RAD54L2: variants seen among roughly 807,000 people sequenced by gnomAD.
The protein encoded by RAD54L2 is RAD54 like 2, also known as helicase ARIP4.
Under a neutral mutation model 138.4 loss-of-function variants are expected in RAD54L2, and 27 were observed. The observed-to-expected ratio is 0.20, with a 90% confidence interval of 0.14 to 0.27. The LOEUF is 0.27. RAD54L2 is among the 10% of genes least tolerant of loss of function. The pLI is 1.00. For missense variants in RAD54L2, 1,396 were observed against 1,890.2 expected (o/e 0.74, Z 4.85); for synonymous variants, 644 against 723.2 (o/e 0.89, Z 1.76).
chr3:51,553,498 C>T (rs1559614275), intron 2 of RAD54L2, among the ~76,000 whole-genome samples: 1 of 152,176 alleles, frequency 6.6e-6, no homozygotes, highest in African/African-American at 2.4e-5. Flanking sequence ...TAAAGCCTGT[C>T]ACACACATTT....
intron 1 of RAD54L2, chr3:51,541,306 A>G (rs1423804697): frequency 1.3e-5 from 2 of 152,236 alleles, no homozygotes; most frequent in Non-Finnish European, 2.9e-5. Context: ...GACTGGTGAC[A>G]GTTAATTATC....
chr3:51,607,079 TTTTTTTA>T (rs1161313239), intron 3 of RAD54L2, among the ~76,000 whole-genome samples: 7 of 149,008 alleles, frequency 4.7e-5, no homozygotes, highest in Admixed American at 4.7e-4. Flanking sequence ...TTTTTTTTTA[TTTTTTTA>T]TTTTTTATTT....
At position 51,644,969 on chromosome 3, in the gene RAD54L2, T is replaced by C. The variant is rs528105624; in HGVS notation, c.2451-55T>C. ...AGAAGTCACAGAGGGCAAAACTGAT[T>C]TGAAAACCTTTTTTAAGACTAAAGG... is the stretch of plus-strand genomic sequence containing the variant. On this transcript the variant is annotated intron_variant, in intron 16 of 22. Coordinates refer to ENST00000684192, the MANE Select transcript of RAD54L2 (RefSeq NM_015106.4). 7.2e-4 allele frequency: 1,156 copies of C among 1,595,774 alleles called. 3 individuals carry two copies. The highest frequency in any genetic ancestry group is 9.6e-4 in the Non-Finnish European group (1,120 of 1,165,550).
intron 2 of RAD54L2, among the ~76,000 whole-genome samples, chr3:51,548,804 G>A (rs1324270936): frequency 3.3e-5 from 5 of 149,808 alleles, no homozygotes; most frequent in African/African-American, 9.9e-5. Context: ...CTCTGTCATA[G>A]CAGCCCAGTA....
chr3:51,632,734 A>C (rs527845256), intron 7 of RAD54L2, among the ~76,000 whole-genome samples: 2 of 151,992 alleles, frequency 1.3e-5, no homozygotes, highest in Non-Finnish European at 2.9e-5. Flanking sequence ...TCTACTAAAA[A>C]TACAAAAATT....
In RAD54L2 at chr3:51,667,545, C is replaced by T. The variant is rs1701934827; in HGVS notation, c.*4125C>T. ...TGCACCCAGCTCAGTGGCTCTTCAC[C>T]CCTAAAACTAAGTGAAGTCATCCTT... On this transcript the variant is annotated 3_prime_UTR_variant, in exon 23 of 23. Transcript: ENST00000684192. The T allele has an allele frequency of 1.3e-5, 2 of 152,244 alleles. No homozygotes were observed. Among genetic ancestry groups the T allele is most frequent in the South Asian group, 2.1e-4 (1 of 4,822 alleles). The allele number at this position is 152,244 out of a possible 1,614,324, so 9.4% of individuals were successfully genotyped here.
At chr3:51,624,969 ATGG>A (rs1700646126) in intron 3 of RAD54L2, among the ~76,000 whole-genome samples, 1 of 152,128 alleles carries the variant, frequency 6.6e-6, no homozygotes, top group South Asian at 2.1e-4. Flanking sequence ...ATGATGACCC[ATGG>A]TACATCATTC....
intron 2 of RAD54L2, among the ~76,000 whole-genome samples, chr3:51,563,710 G>A (rs959013184): frequency 2.8e-4 from 43 of 152,082 alleles, no homozygotes; most frequent in African/African-American, 9.9e-4. Flanking sequence ...TTTTTTCTGT[G>A]TTTAAGCATT....
chr3:51,615,215 ATG>A (rs1319346355), intron 3 of RAD54L2, among the ~76,000 whole-genome samples: 2 of 152,016 alleles, frequency 1.3e-5, no homozygotes, highest in Non-Finnish European at 2.9e-5. Flanking sequence ...GGGTTTCACC[ATG>A]TTGGCCAGGC....
intron 21 of RAD54L2, among the ~76,000 whole-genome samples, chr3:51,658,149 G>C (rs1398765822): frequency 6.6e-6 from 1 of 151,524 alleles, no homozygotes; most frequent in Non-Finnish European, 1.5e-5. Flanking sequence ...GGCCAGGATG[G>C]TCTCGATTTC....
Position 51,627,617 on chromosome 3 carries a change from G to C in RAD54L2, c.204G>C (p.Pro68=), listed in dbSNP as rs752408823. The stretch of plus-strand genomic sequence containing the variant: ...AGTTGGGAGAAGATGGGCAGCAGCC[G>C]CCGCGGTGCACTTCAACTACCTCAT... The part of the protein sequence containing the change: ...HAQLGEDGQQ[P]PRCTSTTSSQ... Residue 68 remains proline, a synonymous_variant, in exon 4 of 23, where the codon CCG becomes CCC. Coordinates refer to ENST00000684192, the MANE Select transcript of RAD54L2 (RefSeq NM_015106.4). 2 of 1,569,232 alleles carry C rather than the reference G, an allele frequency of 1.3e-6. No homozygotes were observed. The highest frequency in any genetic ancestry group is 1.7e-6 in the Non-Finnish European group (2 of 1,158,118).
intron 4 of RAD54L2, among the ~76,000 whole-genome samples, chr3:51,628,098 T>TATA (rs2106792320): frequency 6.6e-6 from 1 of 152,314 alleles, no homozygotes; most frequent in South Asian, 2.1e-4. Context: ...GAGGAGACTT[T>TATA]ATAAAGTTGA....
At position 51,629,433 on chromosome 3, in the gene RAD54L2, T is replaced by C. The variant is rs202130631; in HGVS notation, c.441T>C (p.Tyr147=). 1.9e-6 allele frequency: 3 copies of C among 1,612,384 alleles called. No homozygotes were observed. Among genetic ancestry groups the C allele is most frequent in the Non-Finnish European group, 2.5e-6 (3 of 1,179,276 alleles). ...RKRLEQQRKD[Y]AAPIPTVPLE... is the part of the protein sequence containing the mutation. Reference sequence around the variant, plus strand: ...GCCTGGAGCAGCAGAGGAAAGATTATGCAGCCCCTATTCCTACTGTTCCGC... The same window carrying C: ...GCCTGGAGCAGCAGAGGAAAGATTACGCAGCCCCTATTCCTACTGTTCCGC... The change falls in exon 5 of 23, where the codon TAT becomes TAC. Residue 147 remains tyrosine, a synonymous_variant. Coordinates refer to ENST00000684192, the MANE Select transcript of RAD54L2 (RefSeq NM_015106.4).
rs961470543 is a variant in RAD54L2, at chr3:51,629,586, C to G, written c.481+113C>G. 8.3e-6 allele frequency: 11 copies of G among 1,317,392 alleles called. No homozygotes were observed. In the African/African-American group the frequency reaches 1.6e-4, roughly 20 times the overall value. The allele number at this position is 1,317,392 out of a possible 1,614,324, so 81.6% of individuals were successfully genotyped here. ...AAGACTGTGGCCTCTCGGCTGGGCG[C>G]GGTGGCTCACGCCTGTAATCCCAGC... is the stretch of plus-strand genomic sequence containing the variant. On this transcript the variant is annotated intron_variant, in intron 5 of 22. Transcript: ENST00000684192.
intron 2 of RAD54L2, among the ~76,000 whole-genome samples, chr3:51,550,863 A>G (rs566228568): frequency 6.6e-6 from 1 of 152,248 alleles, no homozygotes; most frequent in East Asian, 1.9e-4. Flanking sequence ...CCGGGCCAAC[A>G]TGGTGAAACC....
chr3:51,576,895 T>A (rs1699492642), intron 2 of RAD54L2, among the ~76,000 whole-genome samples: 1 of 152,184 alleles, frequency 6.6e-6, no homozygotes, highest in South Asian at 2.1e-4. Context: ...AGCTTTTGAA[T>A]GTGTTTGCTC....
At chr3:51,651,151 T>C (rs1050818417) in intron 19 of RAD54L2, among the ~76,000 whole-genome samples, 16 of 152,162 alleles carry the variant, frequency 1.1e-4, no homozygotes, top group African/African-American at 3.6e-4. Flanking sequence ...GAGAATACTC[T>C]AAACACCTCT....
intron 2 of RAD54L2, among the ~76,000 whole-genome samples, chr3:51,575,812 C>G (rs1405263567): frequency 2.0e-5 from 3 of 152,148 alleles, no homozygotes; most frequent in African/African-American, 7.2e-5. Context: ...ATTTGACTTC[C>G]TCTTTTCCTA....
At chr3:51,600,857 T>G (rs1027411270) in intron 3 of RAD54L2, among the ~76,000 whole-genome samples, 10 of 151,592 alleles carry the variant, frequency 6.6e-5, no homozygotes, top group Non-Finnish European at 1.5e-4. Flanking sequence ...ATCCCAGCAA[T>G]TCGGGTGGCT....
Sources: allele counts gnomAD v4.1 joint callset (sites outside exome capture counted in the v4.1 genomes callset), GRCh38; gene constraint gnomAD v4.1.1; transcripts MANE v1.5; gene names NCBI Gene and HGNC (gene_info 2026-07-23, HGNC 2026-07-21).